KCND2: variants seen among roughly 807,000 people sequenced by gnomAD.
KCND2 encodes the protein potassium voltage-gated channel subfamily D member 2.
Under a neutral mutation model 54.4 loss-of-function variants are expected in KCND2, and 16 were observed. The observed-to-expected ratio is 0.29, with a 90% CI of 0.20 to 0.45. The LOEUF (loss-of-function observed/expected upper bound fraction) is 0.45, where lower values mean the gene tolerates loss of function less well. Among genes scored for constraint, KCND2 ranks in the 20% least tolerant of loss-of-function variants. KCND2 has a pLI of 1.00. For missense variants in KCND2, 486 were observed against 824.2 expected (o/e 0.59, Z 5.02); for synonymous variants, 317 against 310.7 (o/e 1.02, Z -0.21).
intron 1 of KCND2, among the ~76,000 whole-genome samples, chr7:120,552,836 A>G (rs910385836): frequency 1.3e-5 from 2 of 152,316 alleles, no homozygotes; most frequent in Admixed American, 1.3e-4. Context: ...AAAGCCCATC[A>G]CTACTCCTTT....
chr7:120,621,289 A>AG lies in KCND2; in HGVS notation c.1116-111614_1116-111613insG, dbSNP rs1302813362. Among the ~76,000 whole-genome samples the AG allele has an allele frequency of 1.1e-4, 16 of 149,304 alleles. No homozygotes were observed. In the East Asian group the frequency reaches 2.7e-3, roughly 25 times the overall value. On this transcript the variant is annotated intron_variant, in intron 1 of 5. Transcript: ENST00000331113. ...AAGACTCCGTCTCAAAAAAAAAAAA[A>AG]AAAAAAAAAAAAAAAGAACCATATG...
chr7:120,653,932 G>A (rs564075395), intron 1 of KCND2, among the ~76,000 whole-genome samples: 10 of 152,266 alleles, frequency 6.6e-5, no homozygotes, highest in East Asian at 1.9e-4. Flanking sequence ...CAAGCAGCAG[G>A]CTTGTTTCCC....
chr7:120,740,230 TG>T (rs1414941674), intron 2 of KCND2, among the ~76,000 whole-genome samples: 2 of 151,972 alleles, frequency 1.3e-5, no homozygotes, highest in African/African-American at 4.8e-5. Flanking sequence ...AGCCTAGGAG[TG>T]GGATGGCTCC....
At chr7:120,382,554 C>T (rs1800929750) in intron 1 of KCND2, among the ~76,000 whole-genome samples, 1 of 151,742 alleles carries the variant, frequency 6.6e-6, no homozygotes, top group Admixed American at 6.6e-5. Flanking sequence ...AACAGGATGT[C>T]TGCTGTATTA....
chr7:120,406,474 G>C (rs1377388196), intron 1 of KCND2, among the ~76,000 whole-genome samples: 3 of 151,974 alleles, frequency 2.0e-5, no homozygotes, highest in Non-Finnish European at 4.4e-5. Flanking sequence ...TAGACATGGG[G>C]AGAATTCAGG....
At chr7:120,349,620 T>C (rs745433510) in intron 1 of KCND2, among the ~76,000 whole-genome samples, 1 of 152,218 alleles carries the variant, frequency 6.6e-6, no homozygotes, top group Non-Finnish European at 1.5e-5. Flanking sequence ...AGAATCTCAC[T>C]ATCAATTAAG....
At chr7:120,719,877 T>G (rs1792646183) in intron 1 of KCND2, among the ~76,000 whole-genome samples, 1 of 152,158 alleles carries the variant, frequency 6.6e-6, no homozygotes, top group Non-Finnish European at 1.5e-5. Flanking sequence ...CTGAAATGGT[T>G]TATTCTAATT....
chr7:120,414,370 C>T (rs993979502), intron 1 of KCND2, among the ~76,000 whole-genome samples: 14 of 152,050 alleles, frequency 9.2e-5, no homozygotes, highest in Admixed American at 5.9e-4. Context: ...ACCAATTGTC[C>T]AATTACCATT....
chr7:120,295,523 A>G (rs756341626), intron 1 of KCND2, among the ~76,000 whole-genome samples: 7 of 151,866 alleles, frequency 4.6e-5, no homozygotes, highest in Admixed American at 1.3e-4. Context: ...AGTTTCACAG[A>G]AGGCTTGCTA....
intron 1 of KCND2, among the ~76,000 whole-genome samples, chr7:120,277,117 G>T (rs1049163668): frequency 6.6e-6 from 1 of 151,998 alleles, no homozygotes; most frequent in African/African-American, 2.4e-5. Context: ...TATATATGAA[G>T]AATTTTAGGC....
At chr7:120,469,361 G>T (rs10156047) in intron 1 of KCND2, among the ~76,000 whole-genome samples, 25,998 of 152,058 alleles carry the variant, frequency 0.17, 2,739 homozygotes, top group African/African-American at 0.29. Context: ...TGCTCACAGC[G>T]AAGTGTTACA....
At chr7:120,539,037 T>C (rs889239730) in intron 1 of KCND2, among the ~76,000 whole-genome samples, 1 of 151,806 alleles carries the variant, frequency 6.6e-6, no homozygotes, top group Non-Finnish European at 1.5e-5. Context: ...AATTGAGATA[T>C]ATAATAAATT....
chr7:120,550,413 C>A (rs1297738005), intron 1 of KCND2, among the ~76,000 whole-genome samples: 2 of 152,004 alleles, frequency 1.3e-5, no homozygotes, highest in African/African-American at 4.8e-5. Flanking sequence ...GTTGGAATTG[C>A]CCATCACCCC....
intron 1 of KCND2, among the ~76,000 whole-genome samples, chr7:120,413,404 A>G (rs1049210851): frequency 6.6e-5 from 10 of 151,918 alleles, no homozygotes; most frequent in Admixed American, 5.9e-4. Flanking sequence ...TAATTTGTTC[A>G]CCTATGTCTA....
At chr7:120,719,314 C>A (rs1422092171) in intron 1 of KCND2, among the ~76,000 whole-genome samples, 1 of 152,152 alleles carries the variant, frequency 6.6e-6, no homozygotes, top group Non-Finnish European at 1.5e-5. Context: ...TGAAATTCAA[C>A]CACCATTGAT....
intron 1 of KCND2, among the ~76,000 whole-genome samples, chr7:120,422,631 T>C (rs1442903654): frequency 6.6e-6 from 1 of 152,196 alleles, no homozygotes; most frequent in Non-Finnish European, 1.5e-5. Flanking sequence ...CTACCTCTTC[T>C]TTCACAGATG....
chr7:120,602,115 G>A (rs1792820850), intron 1 of KCND2, among the ~76,000 whole-genome samples: 1 of 152,142 alleles, frequency 6.6e-6, no homozygotes, highest in South Asian at 2.1e-4. Context: ...TCCATCCCAA[G>A]CCTCTGTGGT....
intron 1 of KCND2, among the ~76,000 whole-genome samples, chr7:120,286,200 G>A (rs1256956804): frequency 1.3e-5 from 2 of 151,666 alleles, no homozygotes; most frequent in Non-Finnish European, 3.0e-5. Flanking sequence ...CACAATTTTT[G>A]GATCTGTACA....
chr7:120,348,503 A>T (rs1281049527), intron 1 of KCND2, among the ~76,000 whole-genome samples: 1 of 152,226 alleles, frequency 6.6e-6, no homozygotes, highest in East Asian at 1.9e-4. Flanking sequence ...GACAAAGGCT[A>T]CATCATCTTA....
Sources: allele counts gnomAD v4.1 joint callset (sites outside exome capture counted in the v4.1 genomes callset), GRCh38; gene constraint gnomAD v4.1.1; transcripts MANE v1.5; gene names NCBI Gene and HGNC (gene_info 2026-07-23, HGNC 2026-07-21).